GRB14: variants seen among roughly 807,000 people sequenced by gnomAD.
The protein encoded by GRB14 is growth factor receptor bound protein 14, also known as growth factor receptor-bound protein 14.
GRB14 carries 38 observed loss-of-function variants against 69.1 expected under a neutral mutation model. The observed-to-expected ratio is 0.55, with a 90% CI of 0.42 to 0.72. The LOEUF (loss-of-function observed/expected upper bound fraction) is 0.72, where lower values mean the gene tolerates loss of function less well. GRB14 is among the 30% of genes least tolerant of loss of function. The pLI is 0.00. For synonymous variants in GRB14, 247 were observed against 241.3 expected (o/e 1.02, Z -0.22); for missense variants, 666 against 666.1 (o/e 1.00, Z 0.00).
At chr2:164,620,448 G>C (rs913738715) in intron 1 of GRB14, among the ~76,000 whole-genome samples, 3 of 152,006 alleles carry the variant, frequency 2.0e-5, no homozygotes, top group African/African-American at 7.3e-5. Flanking sequence ...GAACTTGCTA[G>C]TATAAATGTA....
rs974608059 is a variant in GRB14 at position 164,568,323 on chromosome 2, G to A, written c.325-20507C>T. On this transcript the variant is annotated intron_variant, in intron 2 of 13. Transcript: ENST00000263915. ...ATAAAGAAGTCACATACCCTTTTCTGTAGAATTATTGGCGTTATTGCAGGC... is the reference window on the plus strand; with the variant it reads ...ATAAAGAAGTCACATACCCTTTTCTATAGAATTATTGGCGTTATTGCAGGC... 1.1e-5 allele frequency: 14 copies of A among 1,288,116 alleles called. No individual in the cohort carries two copies. The Admixed American group carries it at 2.5e-4, about 23-fold the overall frequency. 79.8% of individuals were successfully genotyped at this position (1,288,116 alleles called of 1,614,324 possible).
intron 2 of GRB14, among the ~76,000 whole-genome samples, chr2:164,578,386 T>C (rs556072048): frequency 1.0e-3 from 158 of 151,944 alleles, no homozygotes; most frequent in African/African-American, 3.7e-3. Context: ...AAAACACATA[T>C]TGAGTAAGTA....
intron 12 of GRB14, among the ~76,000 whole-genome samples, chr2:164,495,065 C>T (rs1686856781): frequency 6.6e-6 from 1 of 152,084 alleles, no homozygotes; most frequent in Admixed American, 6.5e-5. Context: ...CCTCAGCCTC[C>T]CAGGTAATTG....
chr2:164,609,364 C>A (rs1014852824), intron 2 of GRB14, among the ~76,000 whole-genome samples: 6 of 152,200 alleles, frequency 3.9e-5, no homozygotes, highest in Non-Finnish European at 8.8e-5. Flanking sequence ...TCAACTGGAC[C>A]TTTGCTGTGG....
At chr2:164,550,303 C>A (rs559410801) in intron 2 of GRB14, among the ~76,000 whole-genome samples, 1 of 152,262 alleles carries the variant, frequency 6.6e-6, no homozygotes, top group East Asian at 1.9e-4. Context: ...ACAGAATGAG[C>A]CTTTGTTCCT....
chr2:164,615,374 A>T (rs906445194), intron 2 of GRB14, among the ~76,000 whole-genome samples: 5 of 152,206 alleles, frequency 3.3e-5, no homozygotes, highest in African/African-American at 4.8e-5. Context: ...TTCGGGAAGA[A>T]ATAAAAAGAG....
At chr2:164,599,949 T>C (rs1277915823) in intron 2 of GRB14, among the ~76,000 whole-genome samples, 1 of 152,216 alleles carries the variant, frequency 6.6e-6, no homozygotes, top group African/African-American at 2.4e-5. Context: ...GAAACCAGAA[T>C]AATTTGAATA....
intron 6 of GRB14, among the ~76,000 whole-genome samples, chr2:164,515,283 C>A (rs912634696): frequency 2.6e-5 from 4 of 152,174 alleles, no homozygotes; most frequent in Admixed American, 2.6e-4. Context: ...AACAAAACTA[C>A]AACTAAGGAC....
At chr2:164,585,668 G>T (rs1283058416) in intron 2 of GRB14, among the ~76,000 whole-genome samples, 2 of 152,048 alleles carry the variant, frequency 1.3e-5, no homozygotes, top group Non-Finnish European at 2.9e-5. Flanking sequence ...ACATCACATT[G>T]TATGCCTTAA....
intron 1 of GRB14, 129 bp from the exon 2 acceptor site, chr2:164,619,948 T>C: frequency 5.6e-6 from 4 of 714,762 alleles, no homozygotes; most frequent in South Asian, 1.8e-5. Flanking sequence ...ATATAAAGTA[T>C]ATAGAAAAGG....
At chr2:164,557,567 C>T (rs569661033) in intron 2 of GRB14, among the ~76,000 whole-genome samples, 1 of 152,076 alleles carries the variant, frequency 6.6e-6, no homozygotes, top group Non-Finnish European at 1.5e-5. Flanking sequence ...TCATTCCTAC[C>T]TACAATGGGT....
chr2:164,548,020 A>G (rs1688429946), intron 2 of GRB14, among the ~76,000 whole-genome samples: 1 of 152,212 alleles, frequency 6.6e-6, no homozygotes, highest in African/African-American at 2.4e-5. Flanking sequence ...AAAGGCAGCT[A>G]AAATCTACTC....
chr2:164,613,191 G>A (rs770096112), intron 2 of GRB14, among the ~76,000 whole-genome samples: 8 of 152,194 alleles, frequency 5.3e-5, no homozygotes, highest in African/African-American at 9.6e-5. Context: ...AACTGGGTAC[G>A]TTAAGTCAAA....
intron 3 of GRB14, among the ~76,000 whole-genome samples, chr2:164,535,287 A>T (rs1688051518): frequency 6.6e-6 from 1 of 152,160 alleles, no homozygotes; most frequent in Non-Finnish European, 1.5e-5. Flanking sequence ...TCTTTCTTTA[A>T]AAAAAGAAAA....
intron 13 of GRB14, 55 bp downstream of exon 13, chr2:164,494,376 G>C: frequency 1.1e-6 from 1 of 920,202 alleles, no homozygotes; most frequent in Non-Finnish European, 1.8e-6. Context: ...AAGATCAAAA[G>C]CTTATGCATT....
At chr2:164,550,436 G>A (rs561761854) in intron 2 of GRB14, among the ~76,000 whole-genome samples, 28 of 152,288 alleles carry the variant, frequency 1.8e-4, no homozygotes, top group African/African-American at 6.3e-4. Flanking sequence ...AGCAGCTAAT[G>A]TTATAAATTA....
chr2:164,547,027 C>A (rs1390387126), intron 3 of GRB14, among the ~76,000 whole-genome samples: 1 of 152,052 alleles, frequency 6.6e-6, no homozygotes, highest in African/African-American at 2.4e-5. Flanking sequence ...AAGGCACCAC[C>A]TAGAGCCAAA....
chr2:164,614,418 T>C (rs1690237643), intron 2 of GRB14, among the ~76,000 whole-genome samples: 1 of 152,216 alleles, frequency 6.6e-6, no homozygotes, highest in Non-Finnish European at 1.5e-5. Flanking sequence ...AAGCAGTTTG[T>C]AATTTGAGAA....
chr2:164,507,659 A>G (rs969317639), intron 8 of GRB14, among the ~76,000 whole-genome samples: 1 of 152,194 alleles, frequency 6.6e-6, no homozygotes, highest in Admixed American at 6.5e-5. Context: ...ACTAATGTGG[A>G]CGGGCACTTT....
Sources: allele counts gnomAD v4.1 joint callset (sites outside exome capture counted in the v4.1 genomes callset), GRCh38; gene constraint gnomAD v4.1.1; transcripts MANE v1.5; gene names NCBI Gene and HGNC (gene_info 2026-07-23, HGNC 2026-07-21).